Variants in SUGP2 observed in about 807,000 individuals in gnomAD.
The protein encoded by SUGP2 is SURP and G-patch domain-containing protein 2.
A neutral mutation model predicts 90.5 loss-of-function variants in SUGP2; 24 were observed. The observed-to-expected ratio is 0.27, with a 90% CI of 0.19 to 0.37. The LOEUF is 0.37. Ranked by LOEUF, SUGP2 falls within the 10% of genes least tolerant of loss-of-function variation. The pLI is 1.00. For synonymous variants in SUGP2, 473 were observed against 513.4 expected (o/e 0.92, Z 1.06); for missense variants, 1,233 against 1,363.3 (o/e 0.90, Z 1.51).
chr19:19,003,140 A>G (rs2057914643), intron 7 of SUGP2, among the ~76,000 whole-genome samples: 1 of 152,196 alleles, frequency 6.6e-6, no homozygotes, highest in Non-Finnish European at 1.5e-5. Context: ...TAAAGGTTAT[A>G]GTAGAATGGT....
intron 4 of SUGP2, among the ~76,000 whole-genome samples, chr19:19,016,528 G>A (rs1362343530): frequency 1.3e-5 from 2 of 152,096 alleles, no homozygotes; most frequent in Non-Finnish European, 2.9e-5. Context: ...GGCCTTCTAA[G>A]TCTGGATGCC....
rs546653257 is a variant in SUGP2 at position 18,994,280 on chromosome 19, A to T, written c.*86T>A. 1.9e-6 allele frequency: 3 copies of T among 1,540,536 alleles called. No homozygotes were observed. The East Asian group carries it at 6.8e-5, about 35-fold the overall frequency. ...GTGTGGCATTTTTGGGGGAGCAGGG[A>T]ACATCAACTTTGTTGGGGGAAATTT... On this transcript the variant is annotated intron_variant, in intron 10 of 10. Transcript: ENST00000452918.
rs2058870019 is a variant in SUGP2, at chr19:19,025,045, G to A, written c.1303C>T (p.Arg435Trp). The A allele has an allele frequency of 1.2e-6, 2 of 1,614,154 alleles. No individual in the cohort carries two copies. Among genetic ancestry groups the A allele is most frequent in the Non-Finnish European group, 1.7e-6 (2 of 1,180,036 alleles). Reference protein sequence around the residue: ...FDKYIMRLQDRLLKSVTPLLM... With the variant: ...FDKYIMRLQDWLLKSVTPLLM... ...AAAGGTGTGACACTCTTCAGAAGCC[G>A]GTCTTGAAGTCTCATTATGTACTTG... Residue 435 changes from arginine to tryptophan, a missense_variant, in exon 3 of 11, where the codon CGG becomes TGG. Arg to Trp is a moderately radical substitution (Grantham distance 101). Transcript: ENST00000452918.
chr19:19,006,901 A>C (rs542587788), intron 6 of SUGP2, among the ~76,000 whole-genome samples: 70 of 152,370 alleles, frequency 4.6e-4, no homozygotes, highest in Admixed American at 2.2e-3. Context: ...TCAGGTCCCA[A>C]GCAAGTTGAA....
chr19:19,033,154 G>A (rs1218894594), intron 1 of SUGP2: 1 of 184,696 alleles, frequency 5.4e-6, no homozygotes, highest in African/African-American at 2.4e-5. Context: ...TCCCGAGCGG[G>A]GGCCGCTCCG....
At chr19:18,994,643 A>T in intron 9 of SUGP2, 157 bp from the exon 10 acceptor site, 1 of 1,051,900 alleles carries the variant, frequency 9.5e-7, no homozygotes, top group Non-Finnish European at 1.4e-6. Flanking sequence ...TCACAGTAGA[A>T]ACAAGGAGTA....
At position 19,025,791 on chromosome 19, in the gene SUGP2, T is replaced by C. The variant is rs759598547; in HGVS notation, c.557A>G (p.Lys186Arg). Residue 186 changes from lysine (K) to arginine (R), a missense_variant, in exon 3 of 11, where the codon AAG (lysine) becomes AGG (arginine). Transcript: ENST00000452918. ...GTCCACGTCATAATCCCGACTCTCCTTCTCCAAACACTCTTTCTCAATCAG... is the reference window on the plus strand; with the variant it reads ...GTCCACGTCATAATCCCGACTCTCCCTCTCCAAACACTCTTTCTCAATCAG... ...SRLIEKECLE[K>R]ESRDYDVDHP... 1.5e-5 allele frequency: 24 copies of C among 1,613,866 alleles called. No individual in the cohort carries two copies. The highest frequency in any genetic ancestry group is 2.2e-5 in the East Asian group (1 of 44,900).
chr19:19,032,182 TGA>T (rs1285257827), intron 1 of SUGP2, among the ~76,000 whole-genome samples: 3 of 151,730 alleles, frequency 2.0e-5, no homozygotes, highest in African/African-American at 7.3e-5. Flanking sequence ...TTCCTTTTTT[TGA>T]GACTCTCCCT....
intron 4 of SUGP2, among the ~76,000 whole-genome samples, chr19:19,012,474 A>G (rs1236041171): frequency 1.3e-5 from 2 of 152,204 alleles, no homozygotes; most frequent in African/African-American, 4.8e-5. Context: ...TTCCAGTGGA[A>G]CATAACATCA....
chr19:19,013,720 A>C (rs1388084684), intron 4 of SUGP2, among the ~76,000 whole-genome samples: 1 of 152,212 alleles, frequency 6.6e-6, no homozygotes, highest in African/African-American at 2.4e-5. Flanking sequence ...AGGGATTCTT[A>C]GCCACTTGTT....
At chr19:19,027,560 C>A (rs1027918147) in intron 2 of SUGP2, among the ~76,000 whole-genome samples, 1 of 151,980 alleles carries the variant, frequency 6.6e-6, no homozygotes, top group African/African-American at 2.4e-5. Context: ...ACAAATCAAG[C>A]ACGTGGGAAC....
At chr19:19,022,438 T>C (rs1190985594) in intron 3 of SUGP2, among the ~76,000 whole-genome samples, 1 of 152,108 alleles carries the variant, frequency 6.6e-6, no homozygotes, top group Non-Finnish European at 1.5e-5. Flanking sequence ...CAGAAACCTC[T>C]AGTAAAAGGC....
At chr19:19,001,425 T>C (rs2057828057) in intron 8 of SUGP2, among the ~76,000 whole-genome samples, 188 bp downstream of exon 8, 1 of 152,276 alleles carries the variant, frequency 6.6e-6, no homozygotes. Context: ...CACTAGTCTA[T>C]GCTTTGGACA....
intron 6 of SUGP2, 70 bp downstream of exon 6, chr19:19,008,247 T>C (rs1465729694): frequency 7.6e-7 from 1 of 1,320,714 alleles, no homozygotes; most frequent in Admixed American, 1.7e-5. Context: ...AAATCCAGCC[T>C]AAGCAACATC....
chr19:19,027,034 C>T (rs564226978), intron 2 of SUGP2, among the ~76,000 whole-genome samples: 1 of 152,256 alleles, frequency 6.6e-6, no homozygotes, highest in South Asian at 2.1e-4. Flanking sequence ...AATCCCTGCA[C>T]TTTGGGAGGC....
At chr19:19,012,079 G>C (rs946125720) in intron 4 of SUGP2, among the ~76,000 whole-genome samples, 2 of 152,160 alleles carry the variant, frequency 1.3e-5, no homozygotes, top group Admixed American at 1.3e-4. Flanking sequence ...TGTGTGATGT[G>C]GCATGTCCCT....
chr19:19,019,333 C>G, intron 3 of SUGP2, 104 bp from the exon 4 acceptor site: 1 of 1,294,638 alleles, frequency 7.7e-7, no homozygotes, highest in Non-Finnish European at 1.0e-6. Flanking sequence ...CCCAAGCAGG[C>G]ATCAACAACC....
At chr19:19,028,939 G>A (rs1434343585) in intron 2 of SUGP2, among the ~76,000 whole-genome samples, 1 of 152,094 alleles carries the variant, frequency 6.6e-6, no homozygotes, top group Non-Finnish European at 1.5e-5. Flanking sequence ...TGCCCACCTT[G>A]GCCTCCCAAA....
At chr19:19,029,850 G>A (rs1212118003) in intron 2 of SUGP2, among the ~76,000 whole-genome samples, 1 of 152,000 alleles carries the variant, frequency 6.6e-6, no homozygotes, top group Non-Finnish European at 1.5e-5. Flanking sequence ...GGCTGAGGCA[G>A]GAGAATCGCT....
Sources: allele counts gnomAD v4.1 joint callset (sites outside exome capture counted in the v4.1 genomes callset), GRCh38; gene constraint gnomAD v4.1.1; transcripts MANE v1.5; gene names NCBI Gene and HGNC (gene_info 2026-07-23, HGNC 2026-07-21).